Variants in ERCC8 observed in about 807,000 individuals in gnomAD.
ERCC8 encodes DNA excision repair protein ERCC-8.
In ERCC8, 52 loss-of-function variants were observed where a neutral mutation model predicts 54.9. That is an observed-to-expected ratio of 0.95 (90% CI 0.76 to 1.19). ERCC8 has a LOEUF of 1.19. Among genes scored for constraint, ERCC8 ranks in the 50% most tolerant of loss-of-function variants. The pLI is 0.00. For synonymous variants in ERCC8, 146 were observed against 157.2 expected (o/e 0.93, Z 0.53); for missense variants, 514 against 466.1 (o/e 1.10, Z -0.95).
Position 60,903,713 on chromosome 5 carries a change from C to G in ERCC8, c.485G>C (p.Gly162Ala). Residue 162 changes from glycine (G) to alanine (A), a missense_variant, in exon 6 of 12, where the codon GGT becomes GCT. Gly to Ala is a moderately conservative substitution (Grantham distance 60). Transcript: ENST00000676185. Reference protein sequence around the residue: ...VSTKHCLVAVGTRGPKVQLCD... With the variant: ...VSTKHCLVAVATRGPKVQLCD... ...AAGTTGTACTTTGGGTCCTCTAGTA[C>G]CAACTGTAAAAACAGAACCGGTTTA... The G allele has an allele frequency of 3.1e-6, 5 of 1,612,264 alleles. No homozygotes were observed. The highest frequency in any genetic ancestry group is 3.4e-6 in the Non-Finnish European group (4 of 1,179,110).
chr5:60,929,192 A>G (rs1749836511), intron 1 of ERCC8, among the ~76,000 whole-genome samples: 1 of 152,236 alleles, frequency 6.6e-6, no homozygotes, highest in Admixed American at 6.5e-5. Context: ...AATTTGTACG[A>G]AAAAAGTTAA....
intron 9 of ERCC8, chr5:60,893,443 A>G (rs1748627370): frequency 2.1e-6 from 2 of 945,338 alleles, no homozygotes; most frequent in Non-Finnish European, 3.5e-6. Flanking sequence ...CTCGATTGGC[A>G]TGATCATTGG....
chr5:60,890,536 C>A (rs921978119), intron 10 of ERCC8, among the ~76,000 whole-genome samples: 1 of 152,158 alleles, frequency 6.6e-6, no homozygotes, highest in African/African-American at 2.4e-5. Context: ...CATAAACCAA[C>A]ATATACAAAT....
intron 11 of ERCC8, among the ~76,000 whole-genome samples, chr5:60,876,467 A>G (rs891924786): frequency 9.8e-5 from 15 of 152,352 alleles, no homozygotes; most frequent in African/African-American, 3.4e-4. Context: ...GGACTTCCAC[A>G]ATGGTTGAAC....
In ERCC8 at chr5:60,904,628, GTGTGTGTATATATATATATATATATA is replaced by G. The variant is rs1188016836; in HGVS notation, c.481+138_481+163del. ...TATCTGTTGAATATATATAGTGTGT[GTGTGTGTATATATATATATATATATA>G]TATATATATATATATATATATATAT... On this transcript the variant is annotated intron_variant, in intron 5 of 11. Coordinates refer to ENST00000676185, the MANE Select transcript of ERCC8 (RefSeq NM_000082.4). Among the ~76,000 whole-genome samples the G allele has an allele frequency of 5.4e-3, 367 of 67,802 alleles. 12 individuals are homozygous for G. Among genetic ancestry groups the G allele is most frequent in the African/African-American group, 0.013 (286 of 21,354 alleles). 44.5% of individuals were successfully genotyped at this position (67,802 alleles called of 152,430 possible). A position where few individuals can be genotyped will look rare whatever the true frequency, so the allele number is the denominator to read the frequency against.
chr5:60,898,524 A>G (rs1284451370), intron 8 of ERCC8, 124 bp from the exon 9 acceptor site: 4 of 987,082 alleles, frequency 4.1e-6, no homozygotes, highest in Non-Finnish European at 1.6e-6. Flanking sequence ...TAAGTAGATT[A>G]TACTTAACCA....
chr5:60,872,893 C>A lies in ERCC8; in HGVS notation c.*1722G>T, dbSNP rs764126248. Among the ~76,000 whole-genome samples the A allele has an allele frequency of 2.0e-4, 30 of 152,046 alleles. No individual in the cohort carries two copies. The highest frequency in any genetic ancestry group is 3.5e-4 in the Non-Finnish European group (24 of 67,998). ...TTCACTGCAGCATTATTCACAATAG[C>A]CAGGATATGGTATCAACCTAAGCAT... On this transcript the variant is annotated 3_prime_UTR_variant, in exon 12 of 12. Coordinates refer to ENST00000676185, the MANE Select transcript of ERCC8 (RefSeq NM_000082.4).
chr5:60,891,284 C>A (rs1471599550), intron 9 of ERCC8, among the ~76,000 whole-genome samples, 198 bp from the exon 10 acceptor site: 2 of 151,898 alleles, frequency 1.3e-5, no homozygotes, highest in African/African-American at 4.8e-5. Flanking sequence ...TAGTAAAAAA[C>A]CACAGGGGTA....
rs376937131 is a variant in ERCC8 at position 60,902,415 on chromosome 5, T to C, written c.617+27A>G. ...AAAATGCTTATTATTAATTACTAAC[T>C]TCAAAAGCAAATAAGTTAAATTTTA... On this transcript the variant is annotated intron_variant, in intron 7 of 11. Transcript: ENST00000676185. 1.1e-5 allele frequency: 17 copies of C among 1,566,362 alleles called. No individual in the cohort carries two copies. In the Admixed American group the frequency reaches 1.3e-4, roughly 12 times the overall value.
intron 1 of ERCC8, among the ~76,000 whole-genome samples, chr5:60,944,363 A>C (rs1433206587): frequency 6.6e-6 from 1 of 152,166 alleles, no homozygotes; most frequent in African/African-American, 2.4e-5. Context: ...CAAGCAGAAA[A>C]CAAAATGCAA....
intron 4 of ERCC8, among the ~76,000 whole-genome samples, chr5:60,911,435 T>TA (rs1749257381): frequency 6.6e-6 from 1 of 151,304 alleles, no homozygotes; most frequent in Non-Finnish European, 1.5e-5. Context: ...TACTTTTTGA[T>TA]GGGTTTTTTT....
intron 2 of ERCC8, among the ~76,000 whole-genome samples, chr5:60,926,690 T>G (rs1005636915): frequency 3.9e-5 from 6 of 152,250 alleles, no homozygotes; most frequent in African/African-American, 1.4e-4. Flanking sequence ...TTTAGATTGA[T>G]AAAATGTTTG....
intron 11 of ERCC8, among the ~76,000 whole-genome samples, chr5:60,879,319 G>C (rs1239145937): frequency 6.6e-6 from 1 of 152,198 alleles, no homozygotes; most frequent in East Asian, 1.9e-4. Context: ...TAGGTGTGGT[G>C]TGGTGCTGAA....
intron 11 of ERCC8, among the ~76,000 whole-genome samples, chr5:60,879,131 G>T (rs1303920919): frequency 6.6e-6 from 1 of 152,202 alleles, no homozygotes; most frequent in African/African-American, 2.4e-5. Flanking sequence ...TATGTACCCA[G>T]TAGTCATTCA....
intron 9 of ERCC8, chr5:60,893,036 G>A (rs1026465870): frequency 3.8e-6 from 3 of 785,048 alleles, no homozygotes; most frequent in African/African-American, 3.4e-5. Flanking sequence ...CATTCCGAAG[G>A]TAATCCAGCC....
At chr5:60,936,426 G>A (rs190296196) in intron 1 of ERCC8, among the ~76,000 whole-genome samples, 9 of 152,212 alleles carry the variant, frequency 5.9e-5, no homozygotes, top group Non-Finnish European at 1.0e-4. Context: ...GGTTAATCTA[G>A]CTAATGGTCT....
At chr5:60,893,051 C>G (rs1265382249) in intron 9 of ERCC8, 1 of 780,914 alleles carries the variant, frequency 1.3e-6, no homozygotes, top group Non-Finnish European at 2.4e-6. Context: ...CCAGCCACTT[C>G]ACAACCTCCT....
chr5:60,932,536 T>C (rs1353592443), intron 1 of ERCC8, among the ~76,000 whole-genome samples: 1 of 152,230 alleles, frequency 6.6e-6, no homozygotes, highest in Non-Finnish European at 1.5e-5. Context: ...TTCACATATG[T>C]TGTCACAATT....
intron 4 of ERCC8, among the ~76,000 whole-genome samples, chr5:60,905,214 C>T (rs990825400): frequency 2.6e-5 from 4 of 152,200 alleles, no homozygotes; most frequent in Non-Finnish European, 5.9e-5. Flanking sequence ...CCTCTCAGTT[C>T]CGTATAACCT....
Sources: allele counts gnomAD v4.1 joint callset (sites outside exome capture counted in the v4.1 genomes callset), GRCh38; gene constraint gnomAD v4.1.1; transcripts MANE v1.5; gene names NCBI Gene and HGNC (gene_info 2026-07-23, HGNC 2026-07-21).